EYS: variants seen among roughly 807,000 people sequenced by gnomAD.
EYS encodes protein eyes shut homolog.
A neutral mutation model predicts 282.1 loss-of-function variants in EYS; 250 were observed. The observed-to-expected ratio is 0.89, with a 90% confidence interval of 0.80 to 0.98. EYS has a LOEUF of 0.98. EYS is among the 50% of genes least tolerant of loss of function. EYS has a pLI of 0.00. For synonymous variants in EYS, 1,355 were observed against 1,282.9 expected, an observed-to-expected ratio of 1.06 and a Z score of -1.20; for missense variants, 4,016 against 3,709.0, an observed-to-expected ratio of 1.08 and a Z score of -2.15.
In EYS at chr6:64,590,203, A is replaced by G. The variant is rs771570791; in HGVS notation, c.5644+20T>C. 3.0e-5 allele frequency: 46 copies of G among 1,508,906 alleles called. No individual in the cohort carries two copies. In the South Asian group the frequency reaches 5.5e-4, roughly 18 times the overall value. 93.5% of individuals were successfully genotyped at this position (1,508,906 alleles called of 1,614,324 possible). On this transcript the variant is annotated intron_variant, in intron 26 of 42. Coordinates refer to ENST00000503581, the MANE Select transcript of EYS (RefSeq NM_001142800.2). Reference sequence around the variant, plus strand: ...AAACTCATTTCTAAAAGTTTACTGAACAGAAACTGAGAAACTCACCAGAAA... The same window carrying G: ...AAACTCATTTCTAAAAGTTTACTGAGCAGAAACTGAGAAACTCACCAGAAA...
intron 2 of EYS, among the ~76,000 whole-genome samples, chr6:65,629,452 C>T (rs1766836204): frequency 6.6e-6 from 1 of 152,152 alleles, no homozygotes; most frequent in Non-Finnish European, 1.5e-5. Flanking sequence ...CATTGTTCTT[C>T]TAGGTAGGAT....
At chr6:64,464,926 T>C (rs1775868301) in intron 26 of EYS, among the ~76,000 whole-genome samples, 1 of 151,976 alleles carries the variant, frequency 6.6e-6, no homozygotes, top group South Asian at 2.1e-4. Flanking sequence ...GAACTAGCAA[T>C]GTTTTAAATA....
chr6:64,735,722 A>G (rs1323204771), intron 22 of EYS, among the ~76,000 whole-genome samples: 1 of 152,180 alleles, frequency 6.6e-6, no homozygotes, highest in East Asian at 1.9e-4. Flanking sequence ...ATTGATGGAT[A>G]GTGTCTGACA....
intron 12 of EYS, among the ~76,000 whole-genome samples, chr6:65,160,110 G>A (rs539474453): frequency 6.7e-5 from 10 of 150,334 alleles, no homozygotes; most frequent in South Asian, 4.2e-4. Context: ...TCAGTACAGC[G>A]TTTTTTTTGT....
chr6:65,555,449 A>T (rs2127338619), intron 2 of EYS, among the ~76,000 whole-genome samples: 1 of 152,218 alleles, frequency 6.6e-6, no homozygotes. Flanking sequence ...ACTATATATT[A>T]GTTCATATTA....
At chr6:65,691,159 T>C (rs1401164641) in intron 1 of EYS, among the ~76,000 whole-genome samples, 2 of 150,362 alleles carry the variant, frequency 1.3e-5, no homozygotes, top group Non-Finnish European at 3.0e-5. Context: ...ATCGCCATTC[T>C]GCCTTCCACA....
At chr6:64,630,050 T>G (rs1380924089) in intron 22 of EYS, among the ~76,000 whole-genome samples, 1 of 152,122 alleles carries the variant, frequency 6.6e-6, no homozygotes, top group African/African-American at 2.4e-5. Flanking sequence ...GTAGCCTTTA[T>G]TAGGTTAAGG....
Position 65,229,311 on chromosome 6 carries a change from T to C in EYS, c.2023+66552A>G, listed in dbSNP as rs77155631. 6.6e-3 allele frequency among the ~76,000 whole-genome samples: 997 copies of C among 152,010 alleles called. 14 individuals are homozygous for C. The highest frequency in any genetic ancestry group is 0.023 in the African/African-American group (953 of 41,520). On this transcript the variant is annotated intron_variant, in intron 12 of 42. Transcript: ENST00000503581. ...AAAAAAGGAAGCAGGTTTTAGACAG[T>C]AATTTTTAGAAAACAACTTTTTCGT...
chr6:65,297,309 C>A (rs533511525), intron 11 of EYS, among the ~76,000 whole-genome samples: 1 of 151,914 alleles, frequency 6.6e-6, no homozygotes, highest in South Asian at 2.1e-4. Context: ...AAAGCAATGT[C>A]AAATCACTTT....
intron 13 of EYS, among the ~76,000 whole-genome samples, chr6:65,035,044 A>T (rs1396073102): frequency 1.3e-5 from 2 of 152,156 alleles, no homozygotes; most frequent in Non-Finnish European, 2.9e-5. Context: ...CCTGGGATGC[A>T]TGGTTTGTTC....
At chr6:63,944,463 A>C (rs1454814189) in intron 35 of EYS, among the ~76,000 whole-genome samples, 1 of 152,234 alleles carries the variant, frequency 6.6e-6, no homozygotes, top group Non-Finnish European at 1.5e-5. Context: ...TATTTAAAAA[A>C]TTGACAGATA....
intron 7 of EYS, among the ~76,000 whole-genome samples, chr6:65,395,162 C>T (rs1040704411): frequency 7.2e-5 from 11 of 152,188 alleles, no homozygotes; most frequent in Non-Finnish European, 1.6e-4. Context: ...CTCCCAGATT[C>T]TATTGATTCT....
At chr6:64,191,477 T>TCCCCCCCCCCCCCCC (rs552503593) in intron 31 of EYS, among the ~76,000 whole-genome samples, 1 of 143,408 alleles carries the variant, frequency 7.0e-6, no homozygotes, top group Non-Finnish European at 1.5e-5. Flanking sequence ...TGCTATCCCT[T>TCCCCCCCCCCCCCCC]CCCCCCCCAC....
At chr6:64,480,345 T>C (rs972749464) in intron 26 of EYS, among the ~76,000 whole-genome samples, 5 of 151,938 alleles carry the variant, frequency 3.3e-5, no homozygotes, top group Admixed American at 1.3e-4. Context: ...TACCAATGGA[T>C]AGCTAATATG....
At chr6:63,744,333 G>T (rs1479788948) in intron 41 of EYS, 2 of 152,094 alleles carry the variant, frequency 1.3e-5, no homozygotes, top group African/African-American at 4.8e-5. Flanking sequence ...AATGAGGATG[G>T]AGGGATAAGT....
rs148266499 is a variant in EYS, at chr6:64,278,557, C to A, written c.6191+28413G>T. On this transcript the variant is annotated intron_variant, in intron 30 of 42. Coordinates refer to ENST00000503581, the MANE Select transcript of EYS (RefSeq NM_001142800.2). ...TAAACTGTTTACTGTAATTAGGAAC[C>A]CTAAAAACACACTACTAAAATATTT... Among the ~76,000 whole-genome samples the A allele has an allele frequency of 4.0e-3, 611 of 152,050 alleles. 4 individuals are homozygous for A. The highest frequency in any genetic ancestry group is 0.01 in the Middle Eastern group (3 of 294).
intron 12 of EYS, among the ~76,000 whole-genome samples, chr6:65,077,188 G>A (rs1344201824): frequency 6.6e-6 from 1 of 151,978 alleles, no homozygotes; most frequent in Non-Finnish European, 1.5e-5. Flanking sequence ...GGTTGAGTGT[G>A]AACAAACCTA....
At chr6:63,826,510 A>G (rs1167987352) in intron 36 of EYS, among the ~76,000 whole-genome samples, 1 of 152,220 alleles carries the variant, frequency 6.6e-6, no homozygotes, top group African/African-American at 2.4e-5. Context: ...CAGGGAACCT[A>G]TAAAGAAAAA....
At chr6:64,973,472 A>T in intron 14 of EYS, among the ~76,000 whole-genome samples, 1 of 152,096 alleles carries the variant, frequency 6.6e-6, no homozygotes, top group African/African-American at 2.4e-5. Flanking sequence ...GGGTTATGTG[A>T]TTTTTTTATC....
Sources: gnomAD v4.1 joint callset for allele counts (sites outside exome capture counted in the v4.1 genomes callset) on GRCh38, gnomAD v4.1.1 for gene constraint, MANE v1.5 for transcripts, NCBI Gene and HGNC (gene_info 2026-07-23, HGNC 2026-07-21) for gene names.